Variants in PLCL2 observed in about 807,000 individuals in gnomAD.
The protein encoded by PLCL2 is inactive phospholipase C-like protein 2.
PLCL2 carries 4 observed loss-of-function variants against 79.6 expected under a neutral mutation model. The ratio of observed to expected loss-of-function variants is 0.05; its 90% CI spans 0.02 to 0.11. PLCL2 has a LOEUF of 0.11. Among genes scored for constraint, PLCL2 ranks in the 10% least tolerant of loss-of-function variants. PLCL2 has a pLI of 1.00. For synonymous variants in PLCL2, 484 were observed against 457.7 expected (o/e 1.06, Z -0.73); for missense variants, 895 against 1,291.0 (o/e 0.69, Z 4.70).
chr3:17,059,941 A>G (rs1398717319), intron 4 of PLCL2, among the ~76,000 whole-genome samples: 1 of 152,188 alleles, frequency 6.6e-6, no homozygotes, highest in Non-Finnish European at 1.5e-5. Context: ...AATCATGCCA[A>G]ACTGTGGGAG....
At chr3:16,996,319 A>G (rs1455809618) in intron 1 of PLCL2, among the ~76,000 whole-genome samples, 2 of 151,970 alleles carry the variant, frequency 1.3e-5, no homozygotes, top group Non-Finnish European at 2.9e-5. Context: ...CGAGACTGAC[A>G]CCACATCCTG....
chr3:17,004,849 C>A (rs529209323), intron 1 of PLCL2, among the ~76,000 whole-genome samples: 1 of 152,116 alleles, frequency 6.6e-6, no homozygotes, highest in Non-Finnish European at 1.5e-5. Context: ...AACTCTAATT[C>A]TAAATCCCCC....
At chr3:17,047,088 G>A (rs962135047) in intron 4 of PLCL2, among the ~76,000 whole-genome samples, 3 of 152,218 alleles carry the variant, frequency 2.0e-5, no homozygotes, top group African/African-American at 7.2e-5. Flanking sequence ...GGCATTGAAT[G>A]TGACTGCTTC....
chr3:17,066,559 C>CA (rs1048543455), intron 4 of PLCL2, among the ~76,000 whole-genome samples: 2 of 152,178 alleles, frequency 1.3e-5, no homozygotes, highest in African/African-American at 4.8e-5. Flanking sequence ...AAAGAATGTA[C>CA]AAAATGTCTT....
At chr3:17,031,139 C>T (rs2064576740) in intron 3 of PLCL2, among the ~76,000 whole-genome samples, 1 of 152,134 alleles carries the variant, frequency 6.6e-6, no homozygotes. Flanking sequence ...CCCTGTCCTC[C>T]CACGGGAATG....
intron 5 of PLCL2, among the ~76,000 whole-genome samples, chr3:17,083,235 G>A (rs949643104): frequency 9.2e-5 from 14 of 152,276 alleles, no homozygotes; most frequent in Middle Eastern, 3.4e-3. Flanking sequence ...CAGGGAAGGC[G>A]CTGCTGTGAA....
At chr3:16,903,991 C>T (rs1333663360) in intron 1 of PLCL2, among the ~76,000 whole-genome samples, 1 of 152,134 alleles carries the variant, frequency 6.6e-6, no homozygotes. Context: ...AAAAATTCAG[C>T]TTTTGTGATC....
At chr3:16,974,133 G>A (rs1296343325) in intron 1 of PLCL2, among the ~76,000 whole-genome samples, 2 of 152,172 alleles carry the variant, frequency 1.3e-5, no homozygotes, top group African/African-American at 4.8e-5. Context: ...AGTGAGGCAG[G>A]GCATGAGCCA....
Position 16,943,166 on chromosome 3 carries a change from A to C in PLCL2, c.327+57800A>C, listed in dbSNP as rs187456604. On this transcript the variant is annotated intron_variant, in intron 1 of 5. Coordinates refer to ENST00000615277, the MANE Select transcript of PLCL2 (RefSeq NM_001144382.2). ...CACGTTGACATAAATGACAGTCTTG[A>C]CAGATTTTATATTATTAAAAACACT... is the stretch of plus-strand genomic sequence containing the variant. Among the ~76,000 whole-genome samples, 25 of 152,326 alleles carry C rather than the reference A, an allele frequency of 1.6e-4. 1 individual carries two copies. The Middle Eastern group carries it at 0.01, about 62-fold the overall frequency.
At position 17,011,238 on chromosome 3, in the gene PLCL2, A is replaced by T. The variant is rs1163756974; in HGVS notation, c.1892A>T (p.Lys631Ile). ...AGCATCTGCAAATCAGTTCAGTTCAAAGAATTTCAGGTGTCGTTTCAGGTT... is the reference window on the plus strand; with the variant it reads ...AGCATCTGCAAATCAGTTCAGTTCATAGAATTTCAGGTGTCGTTTCAGGTT... ...LVSICKSVQF[K>I]EFQVSFQVQK... is the part of the protein sequence containing the mutation. The change falls in exon 2 of 6, where the codon AAA becomes ATA. Residue 631 changes from lysine (K) to isoleucine (I), a missense_variant. By Grantham distance (102) the Lys-to-Ile change is moderately radical. Coordinates refer to ENST00000615277, the MANE Select transcript of PLCL2 (RefSeq NM_001144382.2). The surrounding 1 kb of genome is among the most constrained non-coding windows in gnomAD (Gnocchi z 7.9). The T allele has an allele frequency of 6.2e-7, 1 of 1,614,230 alleles. No individual in the cohort carries two copies. Among genetic ancestry groups the T allele is most frequent in the East Asian group, 2.2e-5 (1 of 44,880 alleles).
At chr3:16,908,813 A>G (rs1696808735) in intron 1 of PLCL2, among the ~76,000 whole-genome samples, 1 of 152,190 alleles carries the variant, frequency 6.6e-6, no homozygotes, top group Admixed American at 6.5e-5. Context: ...GTTTATTCAG[A>G]TGAAGATGAA....
intron 1 of PLCL2, among the ~76,000 whole-genome samples, chr3:16,930,306 G>A (rs1697361997): frequency 6.6e-6 from 1 of 152,122 alleles, no homozygotes; most frequent in African/African-American, 2.4e-5. Context: ...ACCCAAATTT[G>A]AGGGAGCGTT....
At chr3:16,891,190 A>G (rs141774020) in intron 1 of PLCL2, among the ~76,000 whole-genome samples, 224 of 152,360 alleles carry the variant, frequency 1.5e-3, no homozygotes, top group African/African-American at 5.0e-3. Flanking sequence ...GGCTTGGATT[A>G]GATCCTGGCT....
chr3:16,947,131 T>TA lies in PLCL2; in HGVS notation c.327+61765_327+61766insA, dbSNP rs1410206838. On this transcript the variant is annotated intron_variant, in intron 1 of 5. Coordinates refer to ENST00000615277, the MANE Select transcript of PLCL2 (RefSeq NM_001144382.2). ...CCACCACAACTGGCTAATTTTATTT[T>TA]TTTTTTTTTAGAGACAGGGTCTCAC... 2.7e-3 allele frequency among the ~76,000 whole-genome samples: 409 copies of TA among 151,636 alleles called. 3 individuals are homozygous for TA. Among genetic ancestry groups the TA allele is most frequent in the South Asian group, 0.011 (52 of 4,796 alleles).
At chr3:16,939,951 C>T (rs1697638791) in intron 1 of PLCL2, among the ~76,000 whole-genome samples, 1 of 152,178 alleles carries the variant, frequency 6.6e-6, no homozygotes, top group Middle Eastern at 3.4e-3. Context: ...TACCTGAGGG[C>T]TTAGGGTCTA....
intron 2 of PLCL2, among the ~76,000 whole-genome samples, chr3:17,013,509 A>G (rs530672952): frequency 4.6e-5 from 7 of 152,342 alleles, no homozygotes; most frequent in South Asian, 4.1e-4. Flanking sequence ...TGACTGGGGA[A>G]CTGCACTTTA....
intron 1 of PLCL2, among the ~76,000 whole-genome samples, chr3:16,890,191 A>C (rs371626748): frequency 1.3e-5 from 2 of 152,206 alleles, no homozygotes; most frequent in East Asian, 3.8e-4. Context: ...CATGCCCTAA[A>C]ATCTACTTGC....
intron 5 of PLCL2, among the ~76,000 whole-genome samples, chr3:17,089,187 G>C (rs1370685981): frequency 6.6e-6 from 1 of 152,040 alleles, no homozygotes; most frequent in African/African-American, 2.4e-5. Context: ...GTGGTTACGT[G>C]AACCCACACA....
intron 3 of PLCL2, among the ~76,000 whole-genome samples, chr3:17,026,341 C>G (rs1422759489): frequency 6.6e-6 from 1 of 152,126 alleles, no homozygotes; most frequent in Non-Finnish European, 1.5e-5. Context: ...GAGTTTAAAA[C>G]ATTTGTTTCC....
Sources: gnomAD v4.1 joint callset for allele counts (sites outside exome capture counted in the v4.1 genomes callset) on GRCh38, gnomAD v4.1.1 for gene constraint, Gnocchi (gnomAD v3.1) non-coding constraint, MANE v1.5 for transcripts, NCBI Gene and HGNC (gene_info 2026-07-23, HGNC 2026-07-21) for gene names.